Variants in EVC observed in about 807,000 individuals in gnomAD.
EVC encodes the protein evC complex member EVC.
In EVC, 116 loss-of-function variants were observed where a neutral mutation model predicts 118.9. That is an observed-to-expected ratio of 0.98 (90% CI 0.84 to 1.14). The LOEUF (loss-of-function observed/expected upper bound fraction) is 1.14, where lower values mean the gene tolerates loss of function less well. EVC is among the 50% of genes most tolerant of loss of function. EVC has a pLI of 0.00. For synonymous variants in EVC, 619 were observed against 534.7 expected, an observed-to-expected ratio of 1.16 and a Z score of -2.18; for missense variants, 1,401 against 1,246.4, an observed-to-expected ratio of 1.12 and a Z score of -1.87.
At chr4:5,711,720 C>T (rs1440132052) in intron 1 of EVC, among the ~76,000 whole-genome samples, 166 bp downstream of exon 1, 1 of 152,196 alleles carries the variant, frequency 6.6e-6, no homozygotes, top group Non-Finnish European at 1.5e-5. Context: ...AGGGAGGTGG[C>T]GGCGTGACTA....
chr4:5,778,977 T>G (rs1030627253), intron 11 of EVC, among the ~76,000 whole-genome samples: 2 of 152,202 alleles, frequency 1.3e-5, no homozygotes, highest in Non-Finnish European at 2.9e-5. Flanking sequence ...GTTTTAGGTC[T>G]AATGTTTAAG....
intron 1 of EVC, among the ~76,000 whole-genome samples, chr4:5,713,875 C>G (rs1723491160): frequency 6.6e-6 from 1 of 152,066 alleles, no homozygotes; most frequent in Non-Finnish European, 1.5e-5. Context: ...TGCACTCCAG[C>G]CTGGGCAACA....
chr4:5,821,679 T>G, the EVC span: 9 of 1,345,954 alleles, frequency 6.7e-6, no homozygotes, highest in Admixed American at 2.1e-5. The surrounding 1 kb of genome is among the most constrained non-coding windows in gnomAD (Gnocchi z 4.4). Flanking sequence ...ACTAAAACTG[T>G]GGGTTTCAAA....
chr4:5,826,113 T>C, the EVC span: 2 of 204,798 alleles, frequency 9.8e-6, no homozygotes, highest in African/African-American at 2.4e-5. Context: ...TACACACCCA[T>C]ATATACACTT....
chr4:5,726,028 A>T lies in EVC; in HGVS notation c.301-3279A>T, dbSNP rs973284571. On this transcript the variant is annotated intron_variant, in intron 2 of 20. Coordinates refer to ENST00000264956, the MANE Select transcript of EVC (RefSeq NM_153717.3). ...TGTTGCTCACAGGGCATCGCGGTGC[A>T]GCTCTTCCTGGAGAGGTATCTAGGC... Among the ~76,000 whole-genome samples the T allele has an allele frequency of 4.2e-4, 64 of 152,186 alleles. 1 individual carries two copies. Among genetic ancestry groups the T allele is most frequent in the African/African-American group, 1.4e-3 (59 of 41,438 alleles).
At chr4:5,794,664 G>C (rs759867533) in intron 13 of EVC, among the ~76,000 whole-genome samples, 5 of 151,756 alleles carry the variant, frequency 3.3e-5, no homozygotes, top group Admixed American at 6.6e-5. Flanking sequence ...ACCCACCTCA[G>C]CCTTCCAAAG....
rs754767428 is a variant in EVC, at chr4:5,808,254, T to TGCGTCTGCACGCCCAGCAGCA, written c.2618_2638dup (p.Arg873_Gln879dup). ...GCCCAGTTCCCAGTGCACCAGCAGA[T>TGCGTCTGCACGCCCAGCAGCA]GCGTCTGCACGCCCAGCAGCAGCAG... On this transcript the variant is annotated inframe_insertion, in exon 18 of 21. Transcript: ENST00000264956. 1.2e-6 allele frequency: 2 copies of TGCGTCTGCACGCCCAGCAGCA among 1,610,680 alleles called. No homozygotes were observed. Among genetic ancestry groups the TGCGTCTGCACGCCCAGCAGCA allele is most frequent in the Non-Finnish European group, 1.7e-6 (2 of 1,178,860 alleles).
chr4:5,747,417 C>G (rs1293729407), intron 7 of EVC, among the ~76,000 whole-genome samples: 2 of 152,204 alleles, frequency 1.3e-5, no homozygotes, highest in African/African-American at 2.4e-5. Flanking sequence ...TGACCTCTGA[C>G]AAGTGACCTA....
intron 1 of EVC, 67 bp downstream of exon 1, chr4:5,711,621 G>T: frequency 9.1e-7 from 1 of 1,101,354 alleles, no homozygotes; most frequent in Non-Finnish European, 1.1e-6. Context: ...GGTCCTGCGG[G>T]CCCGGAGCCC....
In EVC at chr4:5,783,682, C is replaced by T. The variant is rs141299077; in HGVS notation, c.1694C>T (p.Ala565Val). ...TTGAGGCAGGAAGTCCAGGAGAACGCTGCCTGGCAGCTGGGGAAGTCAAAT... is the reference window on the plus strand; with the variant it reads ...TTGAGGCAGGAAGTCCAGGAGAACGTTGCCTGGCAGCTGGGGAAGTCAAAT... ...DYLRQEVQEN[A>V]AWQLGKSNRF... Residue 565 changes from alanine (A) to valine (V), a missense_variant, in exon 12 of 21, where the codon GCT becomes GTT. Ala to Val is a moderately conservative substitution (Grantham distance 64). Transcript: ENST00000264956. 2 of 1,613,734 alleles carry T rather than the reference C, an allele frequency of 1.2e-6. No homozygotes were observed. The highest frequency in any genetic ancestry group is 1.7e-5 in the Admixed American group (1 of 59,982).
intron 2 of EVC, among the ~76,000 whole-genome samples, chr4:5,721,760 A>AG (rs895515931): frequency 3.9e-4 from 59 of 152,168 alleles, no homozygotes; most frequent in African/African-American, 1.4e-3. Flanking sequence ...CCAGCTACTT[A>AG]GGAGGCTGAG....
chr4:5,798,491 G>A lies in EVC; in HGVS notation c.2098-95G>A, dbSNP rs144878382. On this transcript the variant is annotated intron_variant, in intron 14 of 20. Transcript: ENST00000264956. The surrounding 1 kb of genome is among the most constrained non-coding windows in gnomAD (Gnocchi z 4.1). ...TTCTCCATCCCTTTTCCAACCCCTG[G>A]GCCCTGGATAGGACCAGCCCCACAT... 3.5e-4 allele frequency: 457 copies of A among 1,298,844 alleles called. 2 individuals are homozygous for A. In the African/African-American group the frequency reaches 5.8e-3, roughly 17 times the overall value. 80.5% of individuals were successfully genotyped at this position (1,298,844 alleles called of 1,614,324 possible). A position where few individuals can be genotyped will look rare whatever the true frequency, so the allele number is the denominator to read the frequency against.
chr4:5,771,115 A>AC (rs1326796531), intron 11 of EVC, among the ~76,000 whole-genome samples: 5 of 152,196 alleles, frequency 3.3e-5, no homozygotes, highest in African/African-American at 9.7e-5. Flanking sequence ...ATAACTAATG[A>AC]CCACAAACTC....
At chr4:5,759,204 A>G (rs371526564) in intron 11 of EVC, among the ~76,000 whole-genome samples, 73 of 152,324 alleles carry the variant, frequency 4.8e-4, no homozygotes, top group African/African-American at 1.7e-3. Context: ...GCAGAGGGTC[A>G]GTCTGAGGAC....
Position 5,756,020 on chromosome 4 carries a change from C to G in EVC, c.1465-244C>G, listed in dbSNP as rs1009189726. On this transcript the variant is annotated intron_variant, in intron 10 of 20. Transcript: ENST00000264956. The surrounding 1 kb of genome is among the most constrained non-coding windows in gnomAD (Gnocchi z 4.2). Reference sequence around the variant, plus strand: ...TGACAGAAGTGGTCCAGTGGCCCCTCCTCATCCTGGCTTTAACAAAAGCGT... The same window carrying G: ...TGACAGAAGTGGTCCAGTGGCCCCTGCTCATCCTGGCTTTAACAAAAGCGT... 1.3e-5 allele frequency among the ~76,000 whole-genome samples: 2 copies of G among 152,146 alleles called. No homozygotes were observed. Among genetic ancestry groups the G allele is most frequent in the Non-Finnish European group, 2.9e-5 (2 of 68,034 alleles).
At position 5,810,206 on chromosome 4, in the gene EVC, C is replaced by T. The variant is rs1470014450; in HGVS notation, c.2783-133C>T. On this transcript the variant is annotated intron_variant, in intron 19 of 20. Coordinates refer to ENST00000264956, the MANE Select transcript of EVC (RefSeq NM_153717.3). ...CTCATTAGTTGAGTGGCTGCAATAGCATAAGATACCAAGCATACACTTGGC... is the reference window on the plus strand; with the variant it reads ...CTCATTAGTTGAGTGGCTGCAATAGTATAAGATACCAAGCATACACTTGGC... 7 of 743,808 alleles carry T rather than the reference C, an allele frequency of 9.4e-6. No homozygotes were observed. The Admixed American group carries it at 1.0e-4, about 11-fold the overall frequency. The allele number at this position is 743,808 out of a possible 1,614,324, so 46.1% of individuals were successfully genotyped here.
intron 15 of EVC, among the ~76,000 whole-genome samples, chr4:5,799,482 C>T (rs900117279): frequency 6.6e-6 from 1 of 152,174 alleles, no homozygotes; most frequent in Non-Finnish European, 1.5e-5. Flanking sequence ...TTCCAGCCTC[C>T]AACCTAGTGA....
intron 11 of EVC, among the ~76,000 whole-genome samples, chr4:5,762,229 A>C (rs1577477474): frequency 8.2e-6 from 1 of 121,800 alleles, no homozygotes; most frequent in Non-Finnish European, 1.8e-5. Context: ...AAGGTAATGA[A>C]CTCATCATTT....
chr4:5,820,153 G>T, the EVC span, among the ~76,000 whole-genome samples: 4 of 152,016 alleles, frequency 2.6e-5, no homozygotes, highest in African/African-American at 9.7e-5. Context: ...TGTACAATGG[G>T]GATAATAATC....
Sources: gnomAD v4.1 joint callset for allele counts (sites outside exome capture counted in the v4.1 genomes callset) on GRCh38, gnomAD v4.1.1 for gene constraint, Gnocchi (gnomAD v3.1) non-coding constraint, MANE v1.5 for transcripts, NCBI Gene and HGNC (gene_info 2026-07-23, HGNC 2026-07-21) for gene names.